Variants in ZBTB49 observed in about 807,000 individuals in gnomAD.
ZBTB49 encodes the protein zinc finger and BTB domain-containing protein 49.
In ZBTB49, 43 loss-of-function variants were observed where a neutral mutation model predicts 57.5. The ratio of observed to expected loss-of-function variants is 0.75; its 90% CI spans 0.59 to 0.97. ZBTB49 has a LOEUF of 0.97. Ranked by LOEUF, ZBTB49 falls within the 50% of genes least tolerant of loss-of-function variation. The pLI, the probability that ZBTB49 is intolerant of heterozygous loss-of-function variation, is 0.00. For synonymous variants in ZBTB49, 369 were observed against 362.1 expected (o/e 1.02, Z -0.22); for missense variants, 938 against 947.7 (o/e 0.99, Z 0.13).
chr4:4,302,213 C>A lies in ZBTB49; in HGVS notation c.377C>A (p.Pro126His). Residue 126 changes from proline (P) to histidine (H), a missense_variant, in exon 3 of 8, where the codon CCT becomes CAT. Around this residue, in one of 3 missense-constraint regions of ZBTB49, gnomAD observed 835 missense variants for 819.1 expected, o/e 1.02. Coordinates refer to ENST00000337872, the MANE Select transcript of ZBTB49 (RefSeq NM_145291.4). ...FLKSATVVQP[P>H]GMPCNSTLSL... Reference sequence around the variant, plus strand: ...AAATCAGCCACTGTAGTACAGCCACCTGGCATGCCTTGTAATAGTACATTG... The same window carrying A: ...AAATCAGCCACTGTAGTACAGCCACATGGCATGCCTTGTAATAGTACATTG... The A allele has an allele frequency of 6.2e-7, 1 of 1,614,250 alleles. No homozygotes were observed. The highest frequency in any genetic ancestry group is 1.1e-5 in the South Asian group (1 of 91,090).
chr4:4,307,359 G>T (rs900578022), intron 4 of ZBTB49, among the ~76,000 whole-genome samples: 1 of 152,174 alleles, frequency 6.6e-6, no homozygotes, highest in Non-Finnish European at 1.5e-5. Context: ...TGCCAGCCTG[G>T]CCTGGGGTTC....
chr4:4,296,217 G>A (rs1230989537), intron 1 of ZBTB49, among the ~76,000 whole-genome samples: 2 of 152,236 alleles, frequency 1.3e-5, no homozygotes, highest in Non-Finnish European at 2.9e-5. Context: ...GAAAGCTGGA[G>A]AGGATGGTTG....
At chr4:4,315,612 T>G in intron 5 of ZBTB49, 24 bp from the exon 6 acceptor site, 2 of 1,611,818 alleles carry the variant, frequency 1.2e-6, no homozygotes, top group East Asian at 4.5e-5. Context: ...AGGCTCTTAA[T>G]TGAATTTTCA....
intron 4 of ZBTB49, 50 bp downstream of exon 4, chr4:4,306,234 GT>G: frequency 6.6e-7 from 1 of 1,504,222 alleles, no homozygotes. Flanking sequence ...GCAACACAGT[GT>G]TTTTTTATTG....
At chr4:4,290,603 G>T (rs750171578) in intron 1 of ZBTB49, among the ~76,000 whole-genome samples, 46 of 152,216 alleles carry the variant, frequency 3.0e-4, no homozygotes, top group Non-Finnish European at 5.4e-4. Context: ...CCTGGGAGCC[G>T]GGCCTTCTCC....
chr4:4,299,638 A>G (rs915859755), intron 1 of ZBTB49, among the ~76,000 whole-genome samples: 8 of 152,170 alleles, frequency 5.3e-5, no homozygotes, highest in African/African-American at 1.7e-4. Context: ...TACAATTTCA[A>G]TCCCTCAGCC....
rs1720393837 is a variant in ZBTB49, at chr4:4,299,801, G to GTGTA, written c.-19-123_-19-122insATGT. ...GGTGTGTGTGTGTGTGTGTGTGTGT[G>GTGTA]TGTGTGTGTGAGAGAGAAACTGTGA... is the stretch of plus-strand genomic sequence containing the variant. On this transcript the variant is annotated intron_variant, in intron 1 of 7. Transcript: ENST00000337872. The GTGTA allele has an allele frequency of 1.6e-5, 12 of 733,590 alleles. No individual in the cohort carries two copies. The South Asian group carries it at 2.1e-4, about 13-fold the overall frequency. 45.4% of individuals were successfully genotyped at this position (733,590 alleles called of 1,614,324 possible). A position where few individuals can be genotyped will look rare whatever the true frequency, so the allele number is the denominator to read the frequency against.
chr4:4,315,773 TG>T, intron 6 of ZBTB49, 35 bp from the exon 7 acceptor site: 1 of 1,613,904 alleles, frequency 6.2e-7, no homozygotes, highest in Non-Finnish European at 8.5e-7. Flanking sequence ...AAATGTTCTC[TG>T]TCCTTCAGCT....
Position 4,313,066 on chromosome 4 carries a change from G to A in ZBTB49, c.1328G>A (p.Arg443Gln), listed in dbSNP as rs868668756. 5 of 1,614,072 alleles carry A rather than the reference G, an allele frequency of 3.1e-6. No homozygotes were observed. The highest frequency in any genetic ancestry group is 1.1e-5 in the South Asian group (1 of 91,060). The change falls in exon 5 of 8, where the codon CGA becomes CAA. Residue 443 changes from arginine to glutamine, a missense_variant. Physicochemically the swap from Arg to Gln is conservative, Grantham distance 43. This residue lies in a region of ZBTB49 where 835 missense variants were observed against 819.1 expected (regional missense o/e 1.02). Coordinates refer to ENST00000337872, the MANE Select transcript of ZBTB49 (RefSeq NM_145291.4). ...SQAGNLQTHL[R>Q]RHSGEKPYIC... ...GCAGGTAACTTGCAGACTCACTTAC[G>A]ACGGCATTCTGGTGAAAAACCATAC...
chr4:4,302,786 C>G lies in ZBTB49; in HGVS notation c.950C>G (p.Ser317Ter). ...CTGAAGAAGCTCAATTTCCTGAAGT[C>G]ACAGAAATACGCAGAGCAAGTATCT... ...IHLKKLNFLK[S>*]QKYAEQVSEP... is the part of the protein sequence containing the mutation. Residue 317 changes from serine to a stop codon, truncating the protein, a stop_gained, in exon 3 of 8, where the codon TCA becomes TGA. Transcript: ENST00000337872. LOFTEE classifies it high-confidence loss of function. 1 of 1,614,074 alleles carries G rather than the reference C, an allele frequency of 6.2e-7. No individual in the cohort carries two copies. Among genetic ancestry groups the G allele is most frequent in the Non-Finnish European group, 8.5e-7 (1 of 1,180,012 alleles).
intron 3 of ZBTB49, among the ~76,000 whole-genome samples, chr4:4,305,401 C>G (rs1156882359): frequency 1.3e-5 from 2 of 152,096 alleles, no homozygotes; most frequent in Non-Finnish European, 2.9e-5. Context: ...TGTTCAAAGT[C>G]TATTCATTAG....
chr4:4,303,109 C>G lies in ZBTB49; in HGVS notation c.1255+18C>G. 1 of 1,563,048 alleles carries G rather than the reference C, an allele frequency of 6.4e-7. No homozygotes were observed. Among genetic ancestry groups the G allele is most frequent in the Non-Finnish European group, 8.7e-7 (1 of 1,153,786 alleles). ...TCATACAGGTAACTGATTCAGTACC[C>G]ACAGGCAGAAGGGAAGGACGTAATG... On this transcript the variant is annotated intron_variant, in intron 3 of 7. Coordinates refer to ENST00000337872, the MANE Select transcript of ZBTB49 (RefSeq NM_145291.4).
chr4:4,291,858 C>T (rs758002188), intron 1 of ZBTB49, among the ~76,000 whole-genome samples: 1 of 152,116 alleles, frequency 6.6e-6, no homozygotes, highest in Non-Finnish European at 1.5e-5. Context: ...GGGCTGGGTG[C>T]GGTGGCTCAC....
At chr4:4,306,265 T>G in intron 4 of ZBTB49, 81 bp downstream of exon 4, 1 of 1,225,538 alleles carries the variant, frequency 8.2e-7, no homozygotes, top group Non-Finnish European at 1.2e-6. Context: ...CATACTTTTG[T>G]ACTTGTGAGA....
intron 1 of ZBTB49, among the ~76,000 whole-genome samples, chr4:4,291,407 A>G (rs1719903839): frequency 1.3e-5 from 2 of 152,170 alleles, no homozygotes; most frequent in East Asian, 3.9e-4. Context: ...AGGTTGTATT[A>G]GGGCCCACCT....
intron 7 of ZBTB49, among the ~76,000 whole-genome samples, chr4:4,317,702 G>C (rs1721246259): frequency 6.6e-6 from 1 of 151,960 alleles, no homozygotes; most frequent in East Asian, 1.9e-4. Context: ...CTTTTAAGAG[G>C]GTTTCACATG....
Position 4,318,344 on chromosome 4 carries a change from G to T in ZBTB49, c.1622-2296G>T, listed in dbSNP as rs535689651. On this transcript the variant is annotated intron_variant, in intron 7 of 7. Coordinates refer to ENST00000337872, the MANE Select transcript of ZBTB49 (RefSeq NM_145291.4). ...AAAGATTAAAAACTTGGCCAGGTGT[G>T]GTGGCTCACGCCTGTAATCCCAACA... Among the ~76,000 whole-genome samples, 7 of 152,336 alleles carry T rather than the reference G, an allele frequency of 4.6e-5. No individual in the cohort carries two copies. The East Asian group carries it at 1.3e-3, about 29-fold the overall frequency.
At chr4:4,307,069 C>G (rs1720767025) in intron 4 of ZBTB49, among the ~76,000 whole-genome samples, 1 of 152,246 alleles carries the variant, frequency 6.6e-6, no homozygotes, top group Non-Finnish European at 1.5e-5. Context: ...GTGTCAGTTC[C>G]ATTTGCTCAC....
At position 4,300,101 on chromosome 4, in the gene ZBTB49, G is replaced by A. The variant is rs759805537; in HGVS notation, c.152+4G>A. 2 of 1,613,254 alleles carry A rather than the reference G, an allele frequency of 1.2e-6. No individual in the cohort carries two copies. Among genetic ancestry groups the A allele is most frequent in the Non-Finnish European group, 1.7e-6 (2 of 1,179,502 alleles). On this transcript the variant is annotated splice_donor_region_variant and intron_variant, in intron 2 of 7. Coordinates refer to ENST00000337872, the MANE Select transcript of ZBTB49 (RefSeq NM_145291.4). ...CAGCATTCAGCCAGTATTTTAGGTGGGTATTTTAGACTTCATTCTCCTAGC... is the reference window on the plus strand; with the variant it reads ...CAGCATTCAGCCAGTATTTTAGGTGAGTATTTTAGACTTCATTCTCCTAGC...
Sources: allele counts gnomAD v4.1 joint callset (sites outside exome capture counted in the v4.1 genomes callset), GRCh38; gene constraint gnomAD v4.1.1; regional missense constraint gnomAD v4.1.1; transcripts MANE v1.5; gene names NCBI Gene and HGNC (gene_info 2026-07-23, HGNC 2026-07-21).